Variants in GLRA3 observed in about 807,000 individuals in gnomAD.
GLRA3 encodes glycine receptor subunit alpha-3.
GLRA3 carries 44 observed loss-of-function variants against 60.4 expected under a neutral mutation model. The ratio of observed to expected loss-of-function variants is 0.73; its 90% confidence interval spans 0.57 to 0.94. GLRA3 has a LOEUF of 0.94. Among genes scored for constraint, GLRA3 ranks in the 40% least tolerant of loss-of-function variants. The probability of loss-of-function intolerance (pLI) is 0.00; values close to 1 mark genes in which losing one functional copy is unlikely to be tolerated. For missense variants in GLRA3, 508 were observed against 564.6 expected (o/e 0.90, Z 1.02); for synonymous variants, 223 against 192.9 (o/e 1.16, Z -1.29).
chr4:174,692,332 C>G (rs13138050), intron 5 of GLRA3, among the ~76,000 whole-genome samples: 1,649 of 146,096 alleles, frequency 0.011, 39 homozygotes, highest in African/African-American at 0.04. Context: ...GTCAGCCCCC[C>G]GCTCGGCCAG....
intron 3 of GLRA3, among the ~76,000 whole-genome samples, chr4:174,731,545 T>C (rs1454929645): frequency 6.6e-6 from 1 of 152,154 alleles, no homozygotes; most frequent in Non-Finnish European, 1.5e-5. Flanking sequence ...AGTTCAAATA[T>C]GATGGGTAAA....
intron 9 of GLRA3, among the ~76,000 whole-genome samples, chr4:174,650,068 G>A (rs574743303): frequency 2.0e-5 from 3 of 152,318 alleles, no homozygotes; most frequent in African/African-American, 7.2e-5. Flanking sequence ...CTAGGTACGG[G>A]TGGCTAATTA....
At chr4:174,689,251 TAGAA>T (rs145528240) in intron 5 of GLRA3, among the ~76,000 whole-genome samples, 130 of 152,300 alleles carry the variant, frequency 8.5e-4, no homozygotes, top group African/African-American at 3.0e-3. Context: ...AGATAAAATT[TAGAA>T]AGAAATCTAA....
intron 1 of GLRA3, among the ~76,000 whole-genome samples, chr4:174,811,212 A>G (rs1471473511): frequency 6.6e-6 from 1 of 150,844 alleles, no homozygotes; most frequent in African/African-American, 2.4e-5. Context: ...TTAATGAAAA[A>G]TAAACAGGGA....
intron 3 of GLRA3, among the ~76,000 whole-genome samples, chr4:174,731,764 GATT>G (rs961817134): frequency 2.0e-4 from 31 of 152,222 alleles, no homozygotes; most frequent in African/African-American, 7.5e-4. Flanking sequence ...ACTGACAGTT[GATT>G]ATTAACATGC....
chr4:174,790,492 G>T (rs1459710899), intron 1 of GLRA3, among the ~76,000 whole-genome samples: 1 of 147,274 alleles, frequency 6.8e-6, no homozygotes, highest in Non-Finnish European at 1.5e-5. Flanking sequence ...ATATTCCATG[G>T]TTCAAGAATA....
At chr4:174,708,805 T>C (rs1164528915) in intron 5 of GLRA3, among the ~76,000 whole-genome samples, 3 of 146,364 alleles carry the variant, frequency 2.0e-5, no homozygotes, top group African/African-American at 7.7e-5. Context: ...AAAAAATCCT[T>C]CCTGGCTTTT....
At chr4:174,712,721 T>C (rs1735757484) in intron 5 of GLRA3, 1 of 152,058 alleles carries the variant, frequency 6.6e-6, no homozygotes. Context: ...TGCTTTCCAG[T>C]AGGTTAAACT....
At chr4:174,722,250 C>G (rs1736160131) in intron 4 of GLRA3, among the ~76,000 whole-genome samples, 1 of 152,060 alleles carries the variant, frequency 6.6e-6, no homozygotes, top group Non-Finnish European at 1.5e-5. Context: ...GAAAGAGCCT[C>G]TCCAGCATTT....
intron 6 of GLRA3, among the ~76,000 whole-genome samples, chr4:174,681,490 C>T (rs866743725): frequency 3.9e-5 from 6 of 152,072 alleles, no homozygotes; most frequent in Middle Eastern, 3.2e-3. Flanking sequence ...GAAATTTGGA[C>T]ATGGAAACAC....
chr4:174,771,119 T>C lies in GLRA3; in HGVS notation c.200-4089A>G, dbSNP rs190646153. Reference sequence around the variant, plus strand: ...AGGGGGGATGGATAGCATTAGGAGATATACCTAATGCTAAATGACGAGTTA... The same window carrying C: ...AGGGGGGATGGATAGCATTAGGAGACATACCTAATGCTAAATGACGAGTTA... On this transcript the variant is annotated intron_variant, in intron 2 of 9. Coordinates refer to ENST00000274093, the MANE Select transcript of GLRA3 (RefSeq NM_006529.4). Among the ~76,000 whole-genome samples the C allele has an allele frequency of 2.8e-3, 420 of 148,630 alleles. 1 individual carries two copies. The highest frequency in any genetic ancestry group is 6.8e-3 in the Middle Eastern group (2 of 292).
intron 4 of GLRA3, among the ~76,000 whole-genome samples, chr4:174,715,955 T>A (rs1228418005): frequency 2.0e-5 from 3 of 152,162 alleles, no homozygotes; most frequent in Non-Finnish European, 4.4e-5. Flanking sequence ...CAAGACGACA[T>A]CCTCAAAAGA....
At chr4:174,810,628 A>T (rs1480495151) in intron 1 of GLRA3, among the ~76,000 whole-genome samples, 1 of 152,148 alleles carries the variant, frequency 6.6e-6, no homozygotes, top group Non-Finnish European at 1.5e-5. Context: ...TATTGAAGAC[A>T]TAATTATGTA....
chr4:174,797,345 A>G (rs529038964), intron 1 of GLRA3, among the ~76,000 whole-genome samples: 3 of 152,134 alleles, frequency 2.0e-5, no homozygotes, highest in Non-Finnish European at 4.4e-5. Context: ...ATAGTCTTTT[A>G]TTTATGAATC....
intron 1 of GLRA3, among the ~76,000 whole-genome samples, chr4:174,793,464 A>ATT: frequency 6.7e-6 from 1 of 149,808 alleles, no homozygotes; most frequent in Non-Finnish European, 1.5e-5. Context: ...TTATTTATTT[A>ATT]TATTTAGAGA....
intron 4 of GLRA3, among the ~76,000 whole-genome samples, chr4:174,724,474 TA>T (rs1197834178): frequency 6.6e-6 from 1 of 152,122 alleles, no homozygotes; most frequent in Admixed American, 6.5e-5. Flanking sequence ...AATGCATTTA[TA>T]AAAAAAGTTA....
chr4:174,670,566 T>C (rs779913658), intron 7 of GLRA3, among the ~76,000 whole-genome samples: 12 of 152,210 alleles, frequency 7.9e-5, no homozygotes, highest in Non-Finnish European at 8.8e-5. Flanking sequence ...AAACTTAGTT[T>C]GATGTCAAAG....
intron 5 of GLRA3, among the ~76,000 whole-genome samples, chr4:174,715,124 T>C (rs1184048700): frequency 2.6e-5 from 4 of 152,356 alleles, no homozygotes; most frequent in African/African-American, 7.2e-5. Flanking sequence ...AATATCTTTG[T>C]TGTCAGTATA....
chr4:174,768,952 C>T (rs913675453), intron 2 of GLRA3, among the ~76,000 whole-genome samples: 1 of 152,066 alleles, frequency 6.6e-6, no homozygotes, highest in Non-Finnish European at 1.5e-5. Context: ...AGTCGGAGAA[C>T]ACCACATACA....
Sources: gnomAD v4.1 joint callset for allele counts (sites outside exome capture counted in the v4.1 genomes callset) on GRCh38, gnomAD v4.1.1 for gene constraint, MANE v1.5 for transcripts, NCBI Gene and HGNC (gene_info 2026-07-23, HGNC 2026-07-21) for gene names.